The following DOK7 variants were observed in gnomAD, a reference collection of about 807,000 sequenced individuals.
DOK7 encodes the protein docking protein 7.
DOK7 carries 32 observed loss-of-function variants against 30.7 expected under a neutral mutation model. That is an observed-to-expected ratio of 1.04 (90% CI 0.79 to 1.40). DOK7 has a LOEUF of 1.40. DOK7 is among the 40% of genes most tolerant of loss of function. DOK7 has a pLI of 0.00. For missense variants in DOK7, 1,007 were observed against 699.2 expected (o/e 1.44, Z -4.97); for synonymous variants, 447 against 324.1 (o/e 1.38, Z -4.07).
chr4:3,484,740 C>A, intron 4 of DOK7: 2 of 985,536 alleles, frequency 2.0e-6, no homozygotes, highest in Non-Finnish European at 2.4e-6. Flanking sequence ...GGCCTCAGGG[C>A]AGCACCCACA....
chr4:3,484,978 C>A, intron 4 of DOK7: 1 of 740,234 alleles, frequency 1.4e-6, no homozygotes. Context: ...CTCCTGTGGC[C>A]TTGGAGCCCT....
intron 5 of DOK7, among the ~76,000 whole-genome samples, chr4:3,486,802 G>T (rs1936423881): frequency 6.6e-6 from 1 of 152,108 alleles, no homozygotes; most frequent in Non-Finnish European, 1.5e-5. Context: ...GGATGATGTG[G>T]TCGGTGTGTT....
At chr4:3,497,889 G>A (rs1729001017), downstream of DOK7, among the ~76,000 whole-genome samples, 1 of 152,148 alleles carries the variant, frequency 6.6e-6, no homozygotes, top group African/African-American at 2.4e-5. Context: ...TGCCCCAAGG[G>A]TCCTCCTGGG....
chr4:3,497,078 G>A (rs1183505759), downstream of DOK7, among the ~76,000 whole-genome samples: 5 of 152,018 alleles, frequency 3.3e-5, no homozygotes, highest in Admixed American at 2.6e-4. Flanking sequence ...AGTGGTTGCT[G>A]GGTGGCAGTG....
intron 4 of DOK7, among the ~76,000 whole-genome samples, chr4:3,482,799 G>A (rs1388585533): frequency 1.3e-5 from 2 of 152,212 alleles, no homozygotes; most frequent in Non-Finnish European, 2.9e-5. Context: ...CCAAGGCCGA[G>A]CACTGGGGGT....
At chr4:3,471,373 C>G (rs1726755230) in intron 2 of DOK7, among the ~76,000 whole-genome samples, 2 of 152,310 alleles carry the variant, frequency 1.3e-5, no homozygotes, top group South Asian at 4.1e-4. Context: ...TTCCCAGGGG[C>G]CTTGCCCCTT....
Position 3,485,485 on chromosome 4 carries a change from G to C in DOK7, c.533-54G>C. On this transcript the variant is annotated intron_variant, in intron 4 of 6. Transcript: ENST00000340083. Reference sequence around the variant, plus strand: ...GGTTTCCTGTGTTCCTCCTCTTCAGGGTCCCCAGCCCGCCCTCGGGCCAGA... The same window carrying C: ...GGTTTCCTGTGTTCCTCCTCTTCAGCGTCCCCAGCCCGCCCTCGGGCCAGA... 4 of 1,463,540 alleles carry C rather than the reference G, an allele frequency of 2.7e-6. No homozygotes were observed. In the South Asian group the frequency reaches 4.3e-5, roughly 16 times the overall value. 90.7% of individuals were successfully genotyped at this position (1,463,540 alleles called of 1,614,324 possible). A position where few individuals can be genotyped will look rare whatever the true frequency, so the allele number is the denominator to read the frequency against.
At chr4:3,468,377 C>T (rs1403606197) in intron 2 of DOK7, among the ~76,000 whole-genome samples, 2 of 150,440 alleles carry the variant, frequency 1.3e-5, no homozygotes, top group Non-Finnish European at 3.0e-5. Context: ...TCTGTGTGTG[C>T]AAGTGTGTGC....
At chr4:3,489,901 C>T (rs537861510) in intron 6 of DOK7, 105 bp downstream of exon 6, 9 of 1,462,778 alleles carry the variant, frequency 6.2e-6, no homozygotes, top group East Asian at 2.5e-5. Context: ...TCCCTCTGCT[C>T]ATTCATTCAT....
At chr4:3,490,827 TC>T (rs1207800515) in intron 6 of DOK7, among the ~76,000 whole-genome samples, 1 of 48,456 alleles carries the variant, frequency 2.1e-5, no homozygotes, top group Non-Finnish European at 3.6e-5. Flanking sequence ...ATTCCTGCCT[TC>T]CCCCCATTCA....
intron 5 of DOK7, among the ~76,000 whole-genome samples, chr4:3,488,060 C>T (rs764112599): frequency 2.6e-4 from 39 of 152,396 alleles, no homozygotes; most frequent in Middle Eastern, 3.4e-3. Flanking sequence ...TGAGCTGGCA[C>T]AGCCTTGGCT....
chr4:3,493,031 T>C lies in DOK7; in HGVS notation c.1045T>C (p.Ser349Pro). The C allele has an allele frequency of 6.4e-7, 1 of 1,570,462 alleles. No homozygotes were observed. Among genetic ancestry groups the C allele is most frequent in the Non-Finnish European group, 8.6e-7 (1 of 1,162,950 alleles). Reference sequence around the variant, plus strand: ...CGCCACTGGCAGCCACTCCTCTTACTCCAGCAGCCTCTCGTCCTACGCGGG... The same window carrying C: ...CGCCACTGGCAGCCACTCCTCTTACCCCAGCAGCCTCTCGTCCTACGCGGG... ...GIATGSHSSY[S>P]SSLSSYAGSS... Residue 349 changes from serine (S) to proline (P), a missense_variant, in exon 7 of 7, where the codon TCC becomes CCC. By Grantham distance (74) the Ser-to-Pro change is moderately conservative. Transcript: ENST00000340083.
At chr4:3,477,020 G>A (rs988302095) in intron 4 of DOK7, among the ~76,000 whole-genome samples, 1 of 152,214 alleles carries the variant, frequency 6.6e-6, no homozygotes, top group Admixed American at 6.5e-5. Flanking sequence ...TGGCCAGGCC[G>A]TGGGTGGGGA....
chr4:3,471,674 G>A (rs980845743), intron 2 of DOK7, among the ~76,000 whole-genome samples: 1 of 152,236 alleles, frequency 6.6e-6, no homozygotes, highest in Non-Finnish European at 1.5e-5. Context: ...TTGCTGTTAC[G>A]GCGAATTCCG....
intron 6 of DOK7, among the ~76,000 whole-genome samples, chr4:3,491,334 C>T (rs1728413674): frequency 7.8e-6 from 1 of 127,826 alleles, no homozygotes; most frequent in African/African-American, 3.1e-5. Context: ...TCATTCATTC[C>T]TTCCTTCTTC....
At position 3,490,398 on chromosome 4, in the gene DOK7, C is replaced by CCTTCATTTCTCTCCTGCTCATTCATTT. The variant is rs1436574923; in HGVS notation, c.772+606_772+607insATTTCTCTCCTGCTCATTCATTTCTTC. 5.6e-4 allele frequency among the ~76,000 whole-genome samples: 40 copies of CCTTCATTTCTCTCCTGCTCATTCATTT among 71,434 alleles called. 1 individual carries two copies. Among genetic ancestry groups the CCTTCATTTCTCTCCTGCTCATTCATTT allele is most frequent in the Non-Finnish European group, 9.1e-4 (31 of 34,108 alleles). 46.9% of individuals were successfully genotyped at this position (71,434 alleles called of 152,430 possible). A position where few individuals can be genotyped will look rare whatever the true frequency, so the allele number is the denominator to read the frequency against. ...TCCCCCCACCCCCTGCTCATTCAGT[C>CCTTCATTTCTCTCCTGCTCATTCATTT]CTTCTTTCACCCCCCCCACCGCCCC... On this transcript the variant is annotated intron_variant, in intron 6 of 6. Coordinates refer to ENST00000340083, the MANE Select transcript of DOK7 (RefSeq NM_173660.5).
chr4:3,476,714 C>T (rs909994359), intron 4 of DOK7, among the ~76,000 whole-genome samples, 172 bp downstream of exon 4: 30 of 152,186 alleles, frequency 2.0e-4, no homozygotes, highest in Admixed American at 1.3e-4. Context: ...GTCCTCTGCC[C>T]GCAGGAACCT....
chr4:3,481,225 T>C (rs1367255144), intron 4 of DOK7, among the ~76,000 whole-genome samples: 1 of 151,892 alleles, frequency 6.6e-6, no homozygotes, highest in Non-Finnish European at 1.5e-5. Context: ...TGCTTGAGCA[T>C]GGGGAGTGTT....
intron 5 of DOK7, among the ~76,000 whole-genome samples, chr4:3,486,167 G>A (rs1412354168): frequency 6.6e-6 from 1 of 152,182 alleles, no homozygotes; most frequent in African/African-American, 2.4e-5. Context: ...GGGCTGAGGG[G>A]GTCTCGTCTT....
Sources: gnomAD v4.1 joint callset for allele counts (sites outside exome capture counted in the v4.1 genomes callset) on GRCh38, gnomAD v4.1.1 for gene constraint, MANE v1.5 for transcripts, NCBI Gene and HGNC (gene_info 2026-07-23, HGNC 2026-07-21) for gene names.